PRKCG: variants seen among roughly 807,000 people sequenced by gnomAD.
PRKCG encodes protein kinase C gamma type.
A neutral mutation model predicts 82.0 loss-of-function variants in PRKCG; 28 were observed. The ratio of observed to expected loss-of-function variants is 0.34; its 90% confidence interval spans 0.25 to 0.47. The LOEUF (loss-of-function observed/expected upper bound fraction) is 0.47, where lower values mean the gene tolerates loss of function less well. PRKCG is among the 20% of genes least tolerant of loss of function. The pLI, the probability that PRKCG is intolerant of heterozygous loss-of-function variation, is 1.00. For synonymous variants in PRKCG, 383 were observed against 376.6 expected, an observed-to-expected ratio of 1.02 and a Z score of -0.20; for missense variants, 640 against 952.7, an observed-to-expected ratio of 0.67 and a Z score of 4.32.
rs1025353796 is a variant in PRKCG at position 53,889,334 on chromosome 19, T to C, written c.286-304T>C. ...CCTCATTTTTTCTCCAGAGCACCCA[T>C]TACCAACCATCAAACTATATGTTTT... On this transcript the variant is annotated intron_variant, in intron 3 of 17. Coordinates refer to ENST00000263431, the MANE Select transcript of PRKCG (RefSeq NM_002739.5). This position sits in a 1 kb window ranked among gnomAD's most constrained non-coding sequence, Gnocchi z 4.4. Among the ~76,000 whole-genome samples, 3 of 152,138 alleles carry C rather than the reference T, an allele frequency of 2.0e-5. No homozygotes were observed. The highest frequency in any genetic ancestry group is 7.2e-5 in the African/African-American group (3 of 41,430).
Position 53,903,088 on chromosome 19 carries a change from C to T in PRKCG, c.1591C>T (p.Pro531Ser). Residue 531 changes from proline (P) to serine (S), a missense_variant, in exon 15 of 18, where the codon CCC (proline) becomes TCC (serine). Pro to Ser is a moderately conservative substitution (Grantham distance 74). This residue lies in a region of PRKCG where 198 missense variants were observed against 273.4 expected (regional missense o/e 0.72). Coordinates refer to ENST00000263431, the MANE Select transcript of PRKCG (RefSeq NM_002739.5). ...YIAPEIIAYQ[P>S]YGKSVDWWSF... ...CCTCCCCTAGATCATTGCCTACCAG[C>T]CCTATGGGAAGTCTGTCGATTGGTG... 6.2e-7 allele frequency: 1 copy of T among 1,613,376 alleles called. No individual in the cohort carries two copies. Among genetic ancestry groups the T allele is most frequent in the East Asian group, 2.2e-5 (1 of 44,854 alleles).
In PRKCG at chr19:53,892,652, C is replaced by A. The variant is rs759338385; in HGVS notation, c.821+9C>A. On this transcript the variant is annotated intron_variant, in intron 7 of 17. Transcript: ENST00000263431. The surrounding 1 kb of genome is among the most constrained non-coding windows in gnomAD (Gnocchi z 5.9). ...GCGCCCGTGGATGGCTGGTGAGGAG[C>A]AGGGCTGGGGCCTGGGGATGGAGCG... 4 of 1,609,636 alleles carry A rather than the reference C, an allele frequency of 2.5e-6. No homozygotes were observed. The African/African-American group carries it at 4.0e-5, about 16-fold the overall frequency.
At position 53,891,792 on chromosome 19, in the gene PRKCG, A is replaced by G; in HGVS notation, c.648A>G (p.Lys216=). 6.2e-7 allele frequency: 1 copy of G among 1,614,130 alleles called. No homozygotes were observed. Among genetic ancestry groups the G allele is most frequent in the Non-Finnish European group, 8.5e-7 (1 of 1,180,022 alleles). Residue 216 remains lysine (K), a synonymous_variant, in exon 6 of 18, where the codon AAA becomes AAG. Coordinates refer to ENST00000263431, the MANE Select transcript of PRKCG (RefSeq NM_002739.5). ...CGAAACAGAAGACCCGAACGGTGAA[A>G]GCCACGCTAAACCCTGTGTGGAATG... is the stretch of plus-strand genomic sequence containing the variant. ...NLTKQKTRTV[K]ATLNPVWNET...
At chr19:53,898,790 GGT>G (rs1555807842) in intron 11 of PRKCG, among the ~76,000 whole-genome samples, 162 bp downstream of exon 11, 1 of 116,794 alleles carries the variant, frequency 8.6e-6, no homozygotes, top group East Asian at 3.8e-4. Flanking sequence ...GCCGGGGGGG[GGT>G]CCTTGGGGGG....
At chr19:53,902,280 G>A (rs925799302) in intron 14 of PRKCG, among the ~76,000 whole-genome samples, 3 of 152,058 alleles carry the variant, frequency 2.0e-5, no homozygotes, top group African/African-American at 4.8e-5. Flanking sequence ...TGGACATGGT[G>A]ATGTGTGCCT....
chr19:53,883,682 G>A lies in PRKCG; in HGVS notation c.203-479G>A, dbSNP rs2068610806. On this transcript the variant is annotated intron_variant, in intron 2 of 17. Transcript: ENST00000263431. This position sits in a 1 kb window ranked among gnomAD's most constrained non-coding sequence, Gnocchi z 5.4. ...TCCTTGAGCACCAGCTGCTACTGCT[G>A]AGAACAGAGTGAGTCAGGGTGGGGG... Among the ~76,000 whole-genome samples, 1 of 135,486 alleles carries A rather than the reference G, an allele frequency of 7.4e-6. No homozygotes were observed. Among genetic ancestry groups the A allele is most frequent in the Non-Finnish European group, 1.6e-5 (1 of 62,726 alleles). 88.9% of individuals were successfully genotyped at this position (135,486 alleles called of 152,430 possible).
intron 5 of PRKCG, among the ~76,000 whole-genome samples, chr19:53,890,581 A>G (rs10410745): frequency 0.069 from 10,376 of 150,222 alleles, 890 homozygotes; most frequent in African/African-American, 0.2. Context: ...TTTTGTTTTT[A>G]TTTTATGTTT....
At position 53,884,263 on chromosome 19, in the gene PRKCG, G is replaced by T; in HGVS notation, c.285+20G>T. On this transcript the variant is annotated intron_variant, in intron 3 of 17. Coordinates refer to ENST00000263431, the MANE Select transcript of PRKCG (RefSeq NM_002739.5). The surrounding 1 kb of genome is among the most constrained non-coding windows in gnomAD (Gnocchi z 4.6). ...ACGGACGTGAGTGCTCGGACACCTG[G>T]TTCTCCTCCTCGGGCCGTGCCCCCG... 6.2e-7 allele frequency: 1 copy of T among 1,612,174 alleles called. No homozygotes were observed. Among genetic ancestry groups the T allele is most frequent in the Non-Finnish European group, 8.5e-7 (1 of 1,178,882 alleles).
chr19:53,902,885 CCT>C (rs2068773846), intron 14 of PRKCG, among the ~76,000 whole-genome samples, 186 bp from the exon 15 acceptor site: 1 of 111,666 alleles, frequency 9.0e-6, no homozygotes, highest in Non-Finnish European at 1.7e-5. Flanking sequence ...AGAGTGAGAC[CCT>C]GTCAAAAAAA....
rs540543756 is a variant in PRKCG at position 53,890,748 on chromosome 19, ATTTTTTT to A, written c.529+746_529+752del. 2.4e-3 allele frequency among the ~76,000 whole-genome samples: 282 copies of A among 119,782 alleles called. 1 individual carries two copies. The highest frequency in any genetic ancestry group is 8.4e-3 in the African/African-American group (273 of 32,434). The allele number at this position is 119,782 out of a possible 152,430, so 78.6% of individuals were successfully genotyped here. ...AGGCGCCTGCCACCACATCCGGCTAATTTTTTTTTTTTTTTTTTTTTGAGACAAGATC... is the reference window on the plus strand; with the variant it reads ...AGGCGCCTGCCACCACATCCGGCTAATTTTTTTTTTTTTTGAGACAAGATC... On this transcript the variant is annotated intron_variant, in intron 5 of 17. Transcript: ENST00000263431.
intron 5 of PRKCG, among the ~76,000 whole-genome samples, chr19:53,891,436 C>T (rs2068675126): frequency 7.2e-6 from 1 of 139,808 alleles, no homozygotes; most frequent in African/African-American, 3.1e-5. Flanking sequence ...GCCACCACGC[C>T]CAGCTAATTT....
At chr19:53,898,667 G>T (rs1459811544) in intron 11 of PRKCG, 39 bp downstream of exon 11, 3 of 1,540,578 alleles carry the variant, frequency 1.9e-6, no homozygotes. Context: ...TCCGGGCCCT[G>T]CCTTATCCAG....
intron 10 of PRKCG, 144 bp from the exon 11 acceptor site, chr19:53,898,296 C>T (rs1229325598): frequency 1.5e-6 from 2 of 1,326,890 alleles, no homozygotes; most frequent in Non-Finnish European, 2.1e-6. Context: ...CTTGAGGGGA[C>T]GGGCGGCAAG....
At chr19:53,895,352 G>A (rs1391872453) in intron 9 of PRKCG, among the ~76,000 whole-genome samples, 4 of 152,046 alleles carry the variant, frequency 2.6e-5, no homozygotes, top group Admixed American at 6.6e-5. Context: ...AGCTGGGCAT[G>A]GTGGAGGCGC....
At chr19:53,886,078 A>T (rs1281940989) in intron 3 of PRKCG, among the ~76,000 whole-genome samples, 1 of 144,816 alleles carries the variant, frequency 6.9e-6, no homozygotes, top group Non-Finnish European at 1.5e-5. Context: ...AAAAAAAAAG[A>T]TTTTTTTTTG....
Position 53,883,120 on chromosome 19 carries a change from G to C in PRKCG, c.171-43G>C. 2 of 1,612,158 alleles carry C rather than the reference G, an allele frequency of 1.2e-6. No homozygotes were observed. Among genetic ancestry groups the C allele is most frequent in the African/African-American group, 1.3e-5 (1 of 74,996 alleles). On this transcript the variant is annotated intron_variant, in intron 1 of 17. Transcript: ENST00000263431. This position sits in a 1 kb window ranked among gnomAD's most constrained non-coding sequence, Gnocchi z 5.4. ...GTGGCTCGCAGAGGTTGGGGGTCCA[G>C]GTACCCCTTTCTGCACTGACCTAGG...
At chr19:53,887,809 G>C (rs2068642721) in intron 3 of PRKCG, among the ~76,000 whole-genome samples, 1 of 140,464 alleles carries the variant, frequency 7.1e-6, no homozygotes, top group Non-Finnish European at 1.5e-5. Context: ...TAGCCTGGGC[G>C]ACAGAGTGAG....
intron 15 of PRKCG, among the ~76,000 whole-genome samples, chr19:53,903,598 C>T (rs567457039): frequency 2.3e-4 from 35 of 152,228 alleles, no homozygotes; most frequent in Admixed American, 8.5e-4. Flanking sequence ...ATCTTCTTAG[C>T]TGGCTATGGT....
At chr19:53,899,584 T>C (rs1309886524) in intron 11 of PRKCG, among the ~76,000 whole-genome samples, 1 of 151,128 alleles carries the variant, frequency 6.6e-6, no homozygotes, top group Non-Finnish European at 1.5e-5. Context: ...ATGAGCAACT[T>C]TGATTCCTTT....
Sources: allele counts gnomAD v4.1 joint callset (sites outside exome capture counted in the v4.1 genomes callset), GRCh38; gene constraint gnomAD v4.1.1; regional missense constraint gnomAD v4.1.1; non-coding constraint Gnocchi (gnomAD v3.1); transcripts MANE v1.5; gene names NCBI Gene and HGNC (gene_info 2026-07-23, HGNC 2026-07-21).